The following FERMT2 variants were observed in gnomAD, a reference collection of about 807,000 sequenced individuals.
FERMT2 encodes FERM domain containing kindlin 2, also known as fermitin family homolog 2.
In FERMT2, 15 loss-of-function variants were observed where a neutral mutation model predicts 82.7. The observed-to-expected ratio is 0.18, with a 90% CI of 0.12 to 0.28. FERMT2 has a LOEUF of 0.28. Among genes scored for constraint, FERMT2 ranks in the 10% least tolerant of loss-of-function variants. FERMT2 has a pLI of 1.00. For synonymous variants in FERMT2, 274 were observed against 271.5 expected (o/e 1.01, Z -0.09); for missense variants, 645 against 809.4 (o/e 0.80, Z 2.46).
In FERMT2 at chr14:52,860,364, A is replaced by T. The variant is rs1884850710; in HGVS notation, c.1704T>A (p.Phe568Leu). 6.2e-7 allele frequency: 1 copy of T among 1,613,920 alleles called. No individual in the cohort carries two copies. The highest frequency in any genetic ancestry group is 1.3e-5 in the African/African-American group (1 of 74,928). The change falls in exon 13 of 15, where the codon TTT becomes TTA. Residue 568 changes from phenylalanine (F) to leucine (L), a missense_variant. Coordinates refer to ENST00000341590, the MANE Select transcript of FERMT2 (RefSeq NM_006832.3). Reference sequence around the variant, plus strand: ...ACCTTGCAATGAAGTGAGTGATGCCAAATTCAGGTAGTGACTGCCAAGCTT... The same window carrying T: ...ACCTTGCAATGAAGTGAGTGATGCCTAATTCAGGTAGTGACTGCCAAGCTT... The part of the protein sequence containing the change: ...FIQAWQSLPE[F>L]GITHFIARFQ...
intron 10 of FERMT2, 97 bp from the exon 11 acceptor site, chr14:52,864,950 G>T: frequency 1.3e-6 from 1 of 741,100 alleles, no homozygotes; most frequent in South Asian, 1.7e-5. Flanking sequence ...TTAACATGTT[G>T]GATTTTGCCA....
At chr14:52,888,172 C>T (rs774154552) in intron 4 of FERMT2, among the ~76,000 whole-genome samples, 9 of 151,872 alleles carry the variant, frequency 5.9e-5, no homozygotes, top group African/African-American at 2.2e-4. Context: ...CAGAGACAAC[C>T]AAGAGGAAAA....
At chr14:52,915,236 C>T (rs1239916544) in intron 3 of FERMT2, among the ~76,000 whole-genome samples, 6 of 152,146 alleles carry the variant, frequency 3.9e-5, no homozygotes, top group Non-Finnish European at 5.9e-5. Context: ...CATGCATTTC[C>T]AATCAATTAC....
intron 2 of FERMT2, among the ~76,000 whole-genome samples, chr14:52,946,715 G>A (rs755070315): frequency 6.6e-6 from 1 of 151,808 alleles, no homozygotes; most frequent in Non-Finnish European, 1.5e-5. Context: ...GTCTTGCTCT[G>A]TCGCTTAGGC....
intron 3 of FERMT2, among the ~76,000 whole-genome samples, chr14:52,901,317 T>C (rs1049797720): frequency 7.3e-6 from 1 of 137,374 alleles, no homozygotes; most frequent in African/African-American, 2.7e-5. Context: ...GCATTAAACA[T>C]AGGAACAGCC....
intron 2 of FERMT2, among the ~76,000 whole-genome samples, chr14:52,930,913 TTCAA>T (rs1395614120): frequency 1.3e-5 from 2 of 152,230 alleles, no homozygotes; most frequent in Non-Finnish European, 2.9e-5. Context: ...AATCTCAATA[TTCAA>T]TCATACATTG....
chr14:52,906,183 G>A (rs1158023529), intron 3 of FERMT2, among the ~76,000 whole-genome samples: 1 of 152,144 alleles, frequency 6.6e-6, no homozygotes, highest in African/African-American at 2.4e-5. Context: ...GAATGTGTGG[G>A]GCAGGGGACA....
rs895833603 is a variant in FERMT2 at position 52,858,136 on chromosome 14, A to G, written c.*241T>C. The G allele has an allele frequency of 2.2e-6, 1 of 446,838 alleles. No homozygotes were observed. Among genetic ancestry groups the G allele is most frequent in the Non-Finnish European group, 4.0e-6 (1 of 247,226 alleles). The allele number at this position is 446,838 out of a possible 1,614,324, so 27.7% of individuals were successfully genotyped here. ...ATGGTTTGTTCCTGATTTGCCCACT[A>G]TTTCAGTTTTCAATTCATGGCCCTA... On this transcript the variant is annotated 3_prime_UTR_variant, in exon 15 of 15. Coordinates refer to ENST00000341590, the MANE Select transcript of FERMT2 (RefSeq NM_006832.3).
intron 3 of FERMT2, among the ~76,000 whole-genome samples, chr14:52,894,586 A>G (rs972337848): frequency 1.3e-5 from 2 of 152,206 alleles, no homozygotes; most frequent in East Asian, 3.8e-4. Context: ...AGATGAATGA[A>G]ACAGAAGAGG....
chr14:52,938,980 T>C (rs957553769), intron 2 of FERMT2, among the ~76,000 whole-genome samples: 1 of 152,082 alleles, frequency 6.6e-6, no homozygotes, highest in Non-Finnish European at 1.5e-5. Context: ...CTTTAATTCT[T>C]TATAGTATTA....
chr14:52,926,411 AACACAC>A (rs34726532), intron 2 of FERMT2, among the ~76,000 whole-genome samples: 13,819 of 146,934 alleles, frequency 0.094, 677 homozygotes, highest in East Asian at 0.18. Flanking sequence ...GACCAAGTGC[AACACAC>A]ACACACACAC....
chr14:52,881,703 G>GA lies in FERMT2; in HGVS notation c.527-235dup, dbSNP rs1028653543. ...TAATTAAGTTGGCAGAAATTCTGGGGAAAAAAAATCAGTTCAAGAGAATTA... is the reference window on the plus strand; with the variant it reads ...TAATTAAGTTGGCAGAAATTCTGGGGAAAAAAAAATCAGTTCAAGAGAATTA... On this transcript the variant is annotated intron_variant, in intron 4 of 14. Coordinates refer to ENST00000341590, the MANE Select transcript of FERMT2 (RefSeq NM_006832.3). The GA allele has an allele frequency of 5.5e-5, 65 of 1,183,684 alleles. No individual in the cohort carries two copies. In the Middle Eastern group the frequency reaches 6.2e-4, roughly 11 times the overall value. The allele number at this position is 1,183,684 out of a possible 1,614,324, so 73.3% of individuals were successfully genotyped here. A position where few individuals can be genotyped will look rare whatever the true frequency, so the allele number is the denominator to read the frequency against.
intron 2 of FERMT2, among the ~76,000 whole-genome samples, chr14:52,922,483 A>T (rs1460447797): frequency 1.8e-4 from 1 of 5,628 alleles, no homozygotes; most frequent in Non-Finnish European, 5.1e-4. Flanking sequence ...TTATTAAATT[A>T]AAAAAAAAAA....
chr14:52,902,867 T>G (rs1239328266), intron 3 of FERMT2, among the ~76,000 whole-genome samples: 1 of 4,514 alleles, frequency 2.2e-4, no homozygotes, highest in Non-Finnish European at 4.0e-4. Context: ...AGACTCCGTC[T>G]CAAAAAAAAA....
chr14:52,895,763 T>C (rs1012065084), intron 3 of FERMT2, among the ~76,000 whole-genome samples: 1 of 152,174 alleles, frequency 6.6e-6, no homozygotes, highest in Non-Finnish European at 1.5e-5. Context: ...TTTAAATAGA[T>C]ACAGTTTATG....
chr14:52,942,161 A>G (rs969258916), intron 2 of FERMT2, among the ~76,000 whole-genome samples: 5 of 152,182 alleles, frequency 3.3e-5, no homozygotes, highest in Admixed American at 6.5e-5. Context: ...TCATATACTC[A>G]GAGACTCAAT....
chr14:52,910,061 T>C (rs1412129867), intron 3 of FERMT2, among the ~76,000 whole-genome samples: 1 of 152,142 alleles, frequency 6.6e-6, no homozygotes, highest in Non-Finnish European at 1.5e-5. Context: ...CAAAAATAAA[T>C]AAATTAATTA....
At chr14:52,916,365 A>G (rs931627125) in intron 3 of FERMT2, among the ~76,000 whole-genome samples, 4 of 110,532 alleles carry the variant, frequency 3.6e-5, no homozygotes, top group African/African-American at 1.2e-4. Context: ...AGAAGAAAAG[A>G]AAAAAAAAAG....
chr14:52,896,634 G>A (rs2139559906), intron 3 of FERMT2, among the ~76,000 whole-genome samples: 1 of 152,254 alleles, frequency 6.6e-6, no homozygotes, highest in East Asian at 1.9e-4. Flanking sequence ...TAAATTAAAT[G>A]ATACATAACA....
Sources: allele counts gnomAD v4.1 joint callset (sites outside exome capture counted in the v4.1 genomes callset), GRCh38; gene constraint gnomAD v4.1.1; transcripts MANE v1.5; gene names NCBI Gene and HGNC (gene_info 2026-07-23, HGNC 2026-07-21).